The following MAML2 variants were observed in gnomAD, a reference collection of about 807,000 sequenced individuals.
MAML2 encodes mastermind-like protein 2.
MAML2 carries 22 observed loss-of-function variants against 96.1 expected under a neutral mutation model. The ratio of observed to expected loss-of-function variants is 0.23; its 90% CI spans 0.16 to 0.33. The LOEUF (loss-of-function observed/expected upper bound fraction) is 0.33. Among genes scored for constraint, MAML2 ranks in the 10% least tolerant of loss-of-function variants. The pLI is 1.00. For missense variants in MAML2, 1,367 were observed against 1,392.4 expected, an observed-to-expected ratio of 0.98 and a Z score of 0.29; for synonymous variants, 561 against 521.3, an observed-to-expected ratio of 1.08 and a Z score of -1.04.
intron 1 of MAML2, among the ~76,000 whole-genome samples, chr11:96,210,212 C>T (rs943749439): frequency 2.0e-5 from 3 of 152,118 alleles, no homozygotes; most frequent in Admixed American, 1.3e-4. Flanking sequence ...TGAGTTCAAG[C>T]GATTCTCCTG....
intron 2 of MAML2, among the ~76,000 whole-genome samples, chr11:96,040,852 T>G (rs1858796476): frequency 6.6e-6 from 1 of 152,224 alleles, no homozygotes; most frequent in Non-Finnish European, 1.5e-5. Context: ...TGTTTTCAAA[T>G]AGCAAAGCTC....
chr11:96,207,008 G>T (rs188658322), intron 1 of MAML2, among the ~76,000 whole-genome samples: 2 of 152,302 alleles, frequency 1.3e-5, no homozygotes, highest in East Asian at 1.9e-4. Context: ...CTGCAAAAAC[G>T]CAGTAAATTT....
At chr11:96,041,506 A>AAGGAAG (rs1565197111) in intron 2 of MAML2, among the ~76,000 whole-genome samples, 4 of 142,796 alleles carry the variant, frequency 2.8e-5, no homozygotes, top group Admixed American at 1.4e-4. Context: ...AAGGAAGGAA[A>AAGGAAG]GGAAGGAAGG....
At chr11:95,992,899 G>C (rs2135711063) in intron 2 of MAML2, among the ~76,000 whole-genome samples, 1 of 149,528 alleles carries the variant, frequency 6.7e-6, no homozygotes, top group Non-Finnish European at 1.5e-5. Flanking sequence ...TTTTTTTTAA[G>C]AGACAGAGTC....
At chr11:96,200,102 A>G (rs1000534305) in intron 1 of MAML2, among the ~76,000 whole-genome samples, 3 of 152,220 alleles carry the variant, frequency 2.0e-5, no homozygotes, top group Non-Finnish European at 2.9e-5. Flanking sequence ...TATCAGAGGA[A>G]TTTAGTTATA....
intron 1 of MAML2, among the ~76,000 whole-genome samples, chr11:96,220,917 A>T (rs926441057): frequency 2.6e-4 from 40 of 152,282 alleles, no homozygotes; most frequent in Admixed American, 7.2e-4. Context: ...TAAAACTCTA[A>T]TCTCTTGGAA....
intron 1 of MAML2, among the ~76,000 whole-genome samples, chr11:96,326,388 C>T (rs930598088): frequency 7.1e-6 from 1 of 140,284 alleles, no homozygotes; most frequent in Non-Finnish European, 1.5e-5. Flanking sequence ...TGTGTGTGTG[C>T]ATGTATGTGT....
intron 2 of MAML2, among the ~76,000 whole-genome samples, chr11:96,064,023 C>T (rs909838544): frequency 1.3e-5 from 2 of 152,168 alleles, no homozygotes; most frequent in African/African-American, 2.4e-5. Flanking sequence ...ATTTCCAAGC[C>T]TCCTGATTGG....
intron 1 of MAML2, among the ~76,000 whole-genome samples, chr11:96,096,992 T>A (rs1232664716): frequency 7.5e-6 from 1 of 133,076 alleles, no homozygotes; most frequent in Non-Finnish European, 1.6e-5. Context: ...CTTCTAGAAG[T>A]TTTTAATCTA....
chr11:96,161,213 AC>A (rs1203154283), intron 1 of MAML2, among the ~76,000 whole-genome samples: 1 of 152,170 alleles, frequency 6.6e-6, no homozygotes, highest in Non-Finnish European at 1.5e-5. Context: ...GAACATTTAG[AC>A]CCTGAAACGG....
At chr11:96,324,313 T>C (rs1863746453) in intron 1 of MAML2, among the ~76,000 whole-genome samples, 1 of 152,198 alleles carries the variant, frequency 6.6e-6, no homozygotes, top group African/African-American at 2.4e-5. Context: ...CATAGTATAA[T>C]TGCAAAGATA....
At chr11:96,261,537 A>T (rs1332751491) in intron 1 of MAML2, among the ~76,000 whole-genome samples, 1 of 152,238 alleles carries the variant, frequency 6.6e-6, no homozygotes, top group East Asian at 1.9e-4. Flanking sequence ...ATACAAGCCT[A>T]TAACCTTATT....
intron 2 of MAML2, among the ~76,000 whole-genome samples, chr11:96,019,605 C>A (rs1487607816): frequency 6.6e-6 from 1 of 151,232 alleles, no homozygotes; most frequent in East Asian, 1.9e-4. Flanking sequence ...GCTAAGGTAA[C>A]CTAACTTTCT....
intron 1 of MAML2, among the ~76,000 whole-genome samples, chr11:96,224,633 G>A (rs1304395023): frequency 6.6e-6 from 1 of 152,154 alleles, no homozygotes; most frequent in African/African-American, 2.4e-5. Flanking sequence ...ATTAAGTTTT[G>A]TGTATGTGTC....
intron 1 of MAML2, among the ~76,000 whole-genome samples, chr11:96,104,133 C>T (rs1417046783): frequency 6.6e-6 from 1 of 152,116 alleles, no homozygotes; most frequent in Non-Finnish European, 1.5e-5. Context: ...ACTATAATTT[C>T]CAAATATTTT....
At chr11:96,083,024 G>A (rs1859552074) in intron 2 of MAML2, among the ~76,000 whole-genome samples, 3 of 152,210 alleles carry the variant, frequency 2.0e-5, no homozygotes, top group African/African-American at 7.2e-5. Context: ...TACAATGATT[G>A]ATGGAATACA....
chr11:96,089,125 A>C (rs1859665630), intron 2 of MAML2, among the ~76,000 whole-genome samples: 1 of 152,054 alleles, frequency 6.6e-6, no homozygotes. Flanking sequence ...GAGTTGCTTA[A>C]CTCCAAATCC....
intron 1 of MAML2, among the ~76,000 whole-genome samples, chr11:96,183,334 TTTA>T (rs1288265673): frequency 5.2e-4 from 78 of 150,732 alleles, no homozygotes; most frequent in African/African-American, 1.7e-3. Context: ...TTTTAGATTT[TTTA>T]TTTCTTTTTT....
intron 1 of MAML2, among the ~76,000 whole-genome samples, chr11:96,133,838 A>G (rs1029869680): frequency 6.6e-6 from 1 of 152,124 alleles, no homozygotes; most frequent in African/African-American, 2.4e-5. Context: ...TACAAAAAAT[A>G]CAAAAATTAG....
Sources: allele counts gnomAD v4.1 joint callset (sites outside exome capture counted in the v4.1 genomes callset), GRCh38; gene constraint gnomAD v4.1.1; transcripts MANE v1.5; gene names NCBI Gene and HGNC (gene_info 2026-07-23, HGNC 2026-07-21).